Variants in UGT8 observed in about 807,000 individuals in gnomAD.
The protein encoded by UGT8 is 2-hydroxyacylsphingosine 1-beta-galactosyltransferase.
UGT8 carries 12 observed loss-of-function variants against 40.5 expected under a neutral mutation model. The ratio of observed to expected loss-of-function variants is 0.30; its 90% confidence interval spans 0.19 to 0.48. The LOEUF (loss-of-function observed/expected upper bound fraction) is 0.48, where lower values mean the gene tolerates loss of function less well. UGT8 is among the 20% of genes least tolerant of loss of function. The pLI, the probability that UGT8 is intolerant of heterozygous loss-of-function variation, is 0.99. For synonymous variants in UGT8, 224 were observed against 240.4 expected, an observed-to-expected ratio of 0.93 and a Z score of 0.63; for missense variants, 513 against 648.7, an observed-to-expected ratio of 0.79 and a Z score of 2.27.
intron 2 of UGT8, among the ~76,000 whole-genome samples, chr4:114,629,028 G>T (rs976928670): frequency 2.6e-5 from 4 of 151,994 alleles, no homozygotes; most frequent in African/African-American, 9.7e-5. Context: ...TTGAAAGCTG[G>T]TTTCACCATT....
intron 2 of UGT8, among the ~76,000 whole-genome samples, chr4:114,640,126 G>T (rs1578434950): frequency 1.3e-5 from 2 of 151,778 alleles, no homozygotes; most frequent in East Asian, 3.9e-4. Flanking sequence ...CGCCTCCCGG[G>T]TTCACGCCAT....
intron 2 of UGT8, among the ~76,000 whole-genome samples, chr4:114,661,838 A>G (rs998737589): frequency 3.3e-5 from 5 of 152,184 alleles, no homozygotes; most frequent in Non-Finnish European, 7.3e-5. Context: ...AACATGATGA[A>G]TATAATTTTT....
At chr4:114,675,730 A>G (rs1735590986) in intron 5 of UGT8, 195 bp from the exon 6 acceptor site, 1 of 271,584 alleles carries the variant, frequency 3.7e-6, no homozygotes, top group Admixed American at 1.6e-4. Context: ...ACAGAGCGAG[A>G]CTCCGTCTCA....
intron 2 of UGT8, among the ~76,000 whole-genome samples, chr4:114,658,247 G>C (rs75590298): frequency 0.021 from 3,232 of 152,232 alleles, 57 homozygotes; most frequent in Non-Finnish European, 0.032. Context: ...GCCTATTGAT[G>C]TTGGTGTTGG....
At chr4:114,610,619 GT>G (rs1452673915) in intron 1 of UGT8, among the ~76,000 whole-genome samples, 2 of 152,098 alleles carry the variant, frequency 1.3e-5, no homozygotes, top group East Asian at 3.9e-4. Context: ...GATAACTTCT[GT>G]TTTTTATCTA....
chr4:114,639,121 A>G (rs886573858), intron 2 of UGT8, among the ~76,000 whole-genome samples: 2 of 152,232 alleles, frequency 1.3e-5, no homozygotes, highest in African/African-American at 4.8e-5. Flanking sequence ...CAGGCAATCT[A>G]TAAGTTTTCT....
At position 114,623,567 on chromosome 4, in the gene UGT8, C is replaced by G. The variant is rs1195413169; in HGVS notation, c.687C>G (p.Ser229=). ...MQKYNLLPEK[S]MYDLVHGSSL... Reference sequence around the variant, plus strand: ...AGTACAACCTGCTGCCAGAGAAGTCCATGTATGATTTGGTTCATGGGTCCA... The same window carrying G: ...AGTACAACCTGCTGCCAGAGAAGTCGATGTATGATTTGGTTCATGGGTCCA... Residue 229 remains serine (S), a synonymous_variant, in exon 2 of 6, where the codon TCC becomes TCG. Coordinates refer to ENST00000310836, the MANE Select transcript of UGT8 (RefSeq NM_001128174.3). 1.2e-6 allele frequency: 2 copies of G among 1,613,996 alleles called. No homozygotes were observed. The highest frequency in any genetic ancestry group is 8.5e-7 in the Non-Finnish European group (1 of 1,180,000).
chr4:114,642,552 A>G (rs1366009088), intron 2 of UGT8, among the ~76,000 whole-genome samples: 4 of 152,212 alleles, frequency 2.6e-5, no homozygotes, highest in South Asian at 2.1e-4. Context: ...GAATCCTCCT[A>G]TATTTTCACT....
intron 2 of UGT8, among the ~76,000 whole-genome samples, chr4:114,635,773 C>T (rs1228048264): frequency 6.6e-6 from 1 of 152,120 alleles, no homozygotes; most frequent in Non-Finnish European, 1.5e-5. Flanking sequence ...TTTACCAGAT[C>T]TTTACAAATT....
At chr4:114,636,802 C>T (rs1358374108) in intron 2 of UGT8, among the ~76,000 whole-genome samples, 1 of 152,148 alleles carries the variant, frequency 6.6e-6, no homozygotes, top group Non-Finnish European at 1.5e-5. Flanking sequence ...GTAGCATCCT[C>T]AGTTAACCTT....
chr4:114,617,810 G>A (rs760389994), intron 1 of UGT8, among the ~76,000 whole-genome samples: 6 of 152,190 alleles, frequency 3.9e-5, no homozygotes, highest in Non-Finnish European at 8.8e-5. Context: ...AGTAAGTGGA[G>A]ACCAGCAAAT....
chr4:114,668,040 A>G (rs1252998879), intron 4 of UGT8, 45 bp from the exon 5 acceptor site: 2 of 1,595,288 alleles, frequency 1.3e-6, no homozygotes, highest in Non-Finnish European at 1.7e-6. Flanking sequence ...TCTCTTCTGT[A>G]GAGTAATAAT....
At position 114,618,241 on chromosome 4, in the gene UGT8, A is replaced by G. The variant is rs375080216; in HGVS notation, c.-2-4638A>G. On this transcript the variant is annotated intron_variant, in intron 1 of 5. Coordinates refer to ENST00000310836, the MANE Select transcript of UGT8 (RefSeq NM_001128174.3). The stretch of plus-strand genomic sequence containing the variant: ...CTGTTTGCTGTTGGCTATGAATGCA[A>G]TGGACATTTTTCTACATAAGTATTG... 9.9e-4 allele frequency among the ~76,000 whole-genome samples: 150 copies of G among 152,282 alleles called. 1 individual carries two copies. The South Asian group carries it at 0.029, about 30-fold the overall frequency.
chr4:114,609,098 T>A lies in UGT8; in HGVS notation c.-3+10124T>A, dbSNP rs184448723. 9.8e-4 allele frequency among the ~76,000 whole-genome samples: 149 copies of A among 152,242 alleles called. 1 individual carries two copies. The highest frequency in any genetic ancestry group is 3.2e-3 in the African/African-American group (132 of 41,558). On this transcript the variant is annotated intron_variant, in intron 1 of 5. Coordinates refer to ENST00000310836, the MANE Select transcript of UGT8 (RefSeq NM_001128174.3). ...GGAATATATTTTAAGCCAGGTGAAG[T>A]GGTGCAGGTCTGAGGTCCAGCTACT...
chr4:114,678,002 T>A lies in UGT8; in HGVS notation c.*1714T>A, dbSNP rs1183833075. ...GGTATTATACATACATAGAAACTTA[T>A]TAGTTATACCTTTTCACAATCTTAT... is the stretch of plus-strand genomic sequence containing the variant. On this transcript the variant is annotated 3_prime_UTR_variant, in exon 6 of 6. Transcript: ENST00000310836. 1 of 152,194 alleles carries A rather than the reference T, an allele frequency of 6.6e-6. No homozygotes were observed. Among genetic ancestry groups the A allele is most frequent in the Non-Finnish European group, 1.5e-5 (1 of 68,030 alleles). The allele number at this position is 152,194 out of a possible 1,614,324, so 9.4% of individuals were successfully genotyped here.
intron 2 of UGT8, among the ~76,000 whole-genome samples, chr4:114,645,048 A>ACAGC (rs1190606689): frequency 6.6e-6 from 1 of 151,796 alleles, no homozygotes; most frequent in Non-Finnish European, 1.5e-5. Flanking sequence ...TCACAGACAG[A>ACAGC]CTTCCTAACC....
intron 2 of UGT8, among the ~76,000 whole-genome samples, chr4:114,650,898 CT>C (rs373664993): frequency 0.024 from 3,600 of 149,132 alleles, 67 homozygotes; most frequent in Non-Finnish European, 0.024. Flanking sequence ...CCTGCAACAC[CT>C]TTTTTTTTTC....
chr4:114,610,287 T>G (rs2126087634), intron 1 of UGT8, among the ~76,000 whole-genome samples: 1 of 152,278 alleles, frequency 6.6e-6, no homozygotes, highest in South Asian at 2.1e-4. Flanking sequence ...AAATGAGGGG[T>G]TTGAAATCAC....
At chr4:114,604,124 TC>T (rs1357439579) in intron 1 of UGT8, among the ~76,000 whole-genome samples, 2 of 152,146 alleles carry the variant, frequency 1.3e-5, no homozygotes, top group Admixed American at 1.3e-4. Context: ...CTTCCGCCAG[TC>T]AGGAGGGTCT....
Sources: allele counts gnomAD v4.1 joint callset (sites outside exome capture counted in the v4.1 genomes callset), GRCh38; gene constraint gnomAD v4.1.1; transcripts MANE v1.5; gene names NCBI Gene and HGNC (gene_info 2026-07-23, HGNC 2026-07-21).